ZNF664: variants seen among roughly 807,000 people sequenced by gnomAD.
ZNF664 encodes zinc finger Organ of Corti 1.
A neutral mutation model predicts 18.2 loss-of-function variants in ZNF664; 10 were observed. That is an observed-to-expected ratio of 0.55 (90% confidence interval 0.34 to 0.93). The LOEUF (loss-of-function observed/expected upper bound fraction) is 0.93, where lower values mean the gene tolerates loss of function less well. ZNF664 is among the 40% of genes least tolerant of loss of function. ZNF664 has a pLI of 0.02. For synonymous variants in ZNF664, 119 were observed against 104.2 expected (o/e 1.14, Z -0.86); for missense variants, 193 against 319.0 (o/e 0.61, Z 3.01).
At chr12:124,003,331 A>C (rs986775316) in intron 3 of ZNF664, 1 of 151,864 alleles carries the variant, frequency 6.6e-6, no homozygotes, top group African/African-American at 2.4e-5. Flanking sequence ...TTGGAGTAGA[A>C]GGTGTGAATG....
intron 3 of ZNF664, among the ~76,000 whole-genome samples, chr12:123,997,137 G>A (rs189624274): frequency 9.2e-5 from 14 of 152,258 alleles, no homozygotes; most frequent in Admixed American, 6.5e-4. Context: ...TTTTTTGGAC[G>A]TGATTAAAGG....
At chr12:123,985,063 T>G (rs1594547953) in intron 2 of ZNF664, among the ~76,000 whole-genome samples, 2 of 149,812 alleles carry the variant, frequency 1.3e-5, no homozygotes, top group African/African-American at 2.5e-5. Context: ...GTAGTGGGGG[T>G]GGGGGTACAG....
chr12:124,001,764 A>C (rs557911826), intron 3 of ZNF664, among the ~76,000 whole-genome samples: 10 of 152,356 alleles, frequency 6.6e-5, no homozygotes, highest in South Asian at 6.2e-4. Flanking sequence ...ACTAGACTGC[A>C]GCTTGCACTC....
intron 2 of ZNF664, chr12:123,974,315 C>G (rs897999467): frequency 3.1e-6 from 1 of 326,676 alleles, no homozygotes; most frequent in Non-Finnish European, 5.5e-6. Flanking sequence ...TACGGGCTGT[C>G]TTATTGCAAC....
chr12:123,996,385 AGCATAAGTG>A (rs1956948758), intron 3 of ZNF664, among the ~76,000 whole-genome samples: 1 of 152,090 alleles, frequency 6.6e-6, no homozygotes, highest in Admixed American at 6.6e-5. Context: ...GCTGAGTGTG[AGCATAAGTG>A]GTGGAAGTTG....
chr12:123,982,611 G>C (rs1011951847), intron 2 of ZNF664, among the ~76,000 whole-genome samples: 1 of 152,266 alleles, frequency 6.6e-6, no homozygotes, highest in East Asian at 1.9e-4. Flanking sequence ...AATCTGATTG[G>C]CTTAGCTTGG....
intron 2 of ZNF664, among the ~76,000 whole-genome samples, chr12:123,981,884 T>C (rs913861329): frequency 6.6e-6 from 1 of 152,260 alleles, no homozygotes; most frequent in Non-Finnish European, 1.5e-5. Flanking sequence ...GTTGTACTTC[T>C]GTAAATTGGG....
intron 3 of ZNF664, among the ~76,000 whole-genome samples, chr12:124,009,220 T>C (rs912714427): frequency 3.3e-5 from 5 of 152,242 alleles, no homozygotes; most frequent in African/African-American, 7.2e-5. Context: ...GTGATTTCTT[T>C]GCAGCTTATT....
At chr12:123,985,254 C>CT (rs1461320971) in intron 2 of ZNF664, among the ~76,000 whole-genome samples, 1 of 152,102 alleles carries the variant, frequency 6.6e-6, no homozygotes, top group African/African-American at 2.4e-5. Context: ...ATTATTTTTG[C>CT]TTTTTTGTTT....
intron 2 of ZNF664, among the ~76,000 whole-genome samples, chr12:123,982,879 G>A (rs531657351): frequency 5.3e-5 from 8 of 152,296 alleles, no homozygotes; most frequent in Admixed American, 3.9e-4. Context: ...TGTCTACTGG[G>A]CATGGTGGCT....
chr12:123,999,482 G>A (rs1956987201), intron 3 of ZNF664, among the ~76,000 whole-genome samples: 1 of 152,122 alleles, frequency 6.6e-6, no homozygotes, highest in Non-Finnish European at 1.5e-5. Flanking sequence ...GATACTTACA[G>A]GTTTCTTAAA....
In ZNF664 at chr12:123,973,854, G is replaced by A. The variant is rs367707199; in HGVS notation, c.-891-32G>A. 1,103 of 1,154,222 alleles carry A rather than the reference G, an allele frequency of 9.6e-4. 4 individuals carry two copies. The East Asian group carries it at 0.013, about 14-fold the overall frequency. 71.5% of individuals were successfully genotyped at this position (1,154,222 alleles called of 1,614,324 possible). A position where few individuals can be genotyped will look rare whatever the true frequency, so the allele number is the denominator to read the frequency against. ...CGGGGAGCCGGGCGGCTGCGGAGGA[G>A]CCGGCTGCATGGGGTGCTGTGTGTT... On this transcript the variant is annotated intron_variant, in intron 1 of 4. Transcript: ENST00000337815.
At chr12:123,983,154 TAAAA>T (rs948221257) in intron 2 of ZNF664, among the ~76,000 whole-genome samples, 3 of 151,662 alleles carry the variant, frequency 2.0e-5, no homozygotes, top group African/African-American at 4.8e-5. Context: ...CTCAAAAAAA[TAAAA>T]AAAGAAAGCA....
chr12:123,975,460 T>C (rs1488714085), intron 2 of ZNF664, among the ~76,000 whole-genome samples: 2 of 151,274 alleles, frequency 1.3e-5, no homozygotes, highest in Non-Finnish European at 2.9e-5. Flanking sequence ...GGTCTCTTTC[T>C]GTTGCCGTGG....
chr12:123,978,842 T>G (rs966798297), intron 2 of ZNF664, among the ~76,000 whole-genome samples: 1 of 152,218 alleles, frequency 6.6e-6, no homozygotes, highest in African/African-American at 2.4e-5. Context: ...TAGAATCCAG[T>G]AACAGACCCA....
rs971390362 is a variant in ZNF664 at position 124,014,673 on chromosome 12, A to G, written c.*1743A>G. 1 of 167,088 alleles carries G rather than the reference A, an allele frequency of 6.0e-6. No individual in the cohort carries two copies. Among genetic ancestry groups the G allele is most frequent in the African/African-American group, 2.4e-5 (1 of 41,446 alleles). The allele number at this position is 167,088 out of a possible 1,614,324, so 10.4% of individuals were successfully genotyped here. A position where few individuals can be genotyped will look rare whatever the true frequency, so the allele number is the denominator to read the frequency against. On this transcript the variant is annotated 3_prime_UTR_variant, in exon 5 of 5. Transcript: ENST00000337815. ...TAAGAGGTTGGAAAATGAACTACTC[A>G]AGATAGTCACGAAAATACTGAAAGT...
chr12:124,004,867 A>G (rs1405968127), intron 3 of ZNF664: 3 of 169,412 alleles, frequency 1.8e-5, no homozygotes, highest in Middle Eastern at 2.5e-3. Flanking sequence ...ACTGTCTCCC[A>G]ACACCTCCAG....
chr12:124,014,199 A>T lies in ZNF664; in HGVS notation c.*1269A>T, dbSNP rs2138474792. On this transcript the variant is annotated 3_prime_UTR_variant, in exon 5 of 5. Transcript: ENST00000337815. Reference sequence around the variant, plus strand: ...TGGGGTGGGGTGGGGGTGGGGTGACATTAGCTAGTGGTCAGGGAGGCCTTT... The same window carrying T: ...TGGGGTGGGGTGGGGGTGGGGTGACTTTAGCTAGTGGTCAGGGAGGCCTTT... 6.0e-6 allele frequency: 1 copy of T among 167,040 alleles called. No homozygotes were observed. Among genetic ancestry groups the T allele is most frequent in the South Asian group, 2.1e-4 (1 of 4,816 alleles). 10.3% of individuals were successfully genotyped at this position (167,040 alleles called of 1,614,324 possible). A position where few individuals can be genotyped will look rare whatever the true frequency, so the allele number is the denominator to read the frequency against.
intron 3 of ZNF664, among the ~76,000 whole-genome samples, chr12:123,989,092 G>A (rs1251722582): frequency 6.6e-6 from 1 of 152,180 alleles, no homozygotes; most frequent in Non-Finnish European, 1.5e-5. Flanking sequence ...AGGAGGATTG[G>A]CTGTGGGAGG....
Sources: gnomAD v4.1 joint callset for allele counts (sites outside exome capture counted in the v4.1 genomes callset) on GRCh38, gnomAD v4.1.1 for gene constraint, MANE v1.5 for transcripts, NCBI Gene and HGNC (gene_info 2026-07-23, HGNC 2026-07-21) for gene names.